GPC5: variants seen among roughly 807,000 people sequenced by gnomAD.
GPC5 encodes glypican-5.
A neutral mutation model predicts 53.9 loss-of-function variants in GPC5; 47 were observed. That is an observed-to-expected ratio of 0.87 (90% CI 0.69 to 1.11). The LOEUF (loss-of-function observed/expected upper bound fraction) is 1.11, where lower values mean the gene tolerates loss of function less well. Ranked by LOEUF, GPC5 falls within the 50% of genes most tolerant of loss-of-function variation. The probability of loss-of-function intolerance (pLI) is 0.00; values close to 1 mark genes in which losing one functional copy is unlikely to be tolerated. For missense variants in GPC5, 748 were observed against 713.1 expected, an observed-to-expected ratio of 1.05 and a Z score of -0.56; for synonymous variants, 286 against 263.3, an observed-to-expected ratio of 1.09 and a Z score of -0.84.
chr13:92,743,261 T>G (rs1374517070), intron 7 of GPC5, among the ~76,000 whole-genome samples: 1 of 152,172 alleles, frequency 6.6e-6, no homozygotes, highest in East Asian at 1.9e-4. Flanking sequence ...TTTATTTCAT[T>G]GAGCAGTGGT....
intron 7 of GPC5, among the ~76,000 whole-genome samples, chr13:92,558,087 A>C (rs544369169): frequency 2.0e-5 from 3 of 152,128 alleles, no homozygotes; most frequent in Non-Finnish European, 4.4e-5. Flanking sequence ...AAAACAGGTA[A>C]CTGGAAAATC....
chr13:91,498,806 CA>C (rs751607922), intron 2 of GPC5, among the ~76,000 whole-genome samples: 1 of 151,354 alleles, frequency 6.6e-6, no homozygotes, highest in Non-Finnish European at 1.5e-5. Flanking sequence ...CCCGTCTCTA[CA>C]AAAAAATACA....
chr13:92,012,008 G>A (rs2040666045), intron 6 of GPC5, among the ~76,000 whole-genome samples: 1 of 152,144 alleles, frequency 6.6e-6, no homozygotes, highest in African/African-American at 2.4e-5. Context: ...GATTCTATGA[G>A]GATAGCTGTG....
intron 7 of GPC5, among the ~76,000 whole-genome samples, chr13:92,499,781 T>G (rs1880114506): frequency 6.6e-6 from 1 of 152,188 alleles, no homozygotes; most frequent in Non-Finnish European, 1.5e-5. Context: ...GTGAATCTTC[T>G]TGTTACATAC....
At chr13:91,418,689 A>G (rs1878399767) in intron 1 of GPC5, among the ~76,000 whole-genome samples, 1 of 152,142 alleles carries the variant, frequency 6.6e-6, no homozygotes, top group Admixed American at 6.5e-5. Context: ...AGCAGTAGAA[A>G]GCCCTGGAAG....
chr13:92,308,938 C>T (rs969529963), intron 7 of GPC5, among the ~76,000 whole-genome samples: 8 of 152,040 alleles, frequency 5.3e-5, no homozygotes, highest in Non-Finnish European at 4.4e-5. Context: ...TTTAAAGGTA[C>T]AGTCATTATG....
intron 7 of GPC5, among the ~76,000 whole-genome samples, chr13:92,293,282 T>A (rs1352019185): frequency 1.3e-5 from 2 of 152,148 alleles, no homozygotes; most frequent in Non-Finnish European, 2.9e-5. Context: ...CAATATTGAC[T>A]CTACCCATCC....
intron 5 of GPC5, among the ~76,000 whole-genome samples, chr13:91,776,124 G>A (rs569472022): frequency 1.3e-5 from 2 of 152,264 alleles, no homozygotes; most frequent in African/African-American, 4.8e-5. Flanking sequence ...ACAGCACCTG[G>A]AAGATCATCA....
intron 6 of GPC5, among the ~76,000 whole-genome samples, chr13:92,134,648 A>C (rs76238362): frequency 4.0e-4 from 61 of 152,250 alleles, no homozygotes; most frequent in African/African-American, 1.4e-3. Flanking sequence ...CAGTCATAGA[A>C]ATTCACTTGT....
intron 2 of GPC5, among the ~76,000 whole-genome samples, chr13:91,496,901 C>T (rs756018684): frequency 8.6e-5 from 13 of 152,020 alleles, no homozygotes; most frequent in Non-Finnish European, 1.6e-4. Context: ...AATATATGCA[C>T]CTAATATGTA....
intron 4 of GPC5, among the ~76,000 whole-genome samples, chr13:91,729,138 A>AAAG (rs1182255706): frequency 6.6e-6 from 1 of 152,232 alleles, no homozygotes; most frequent in Non-Finnish European, 1.5e-5. Context: ...TATATTTTAA[A>AAAG]AAGTTGAATA....
At chr13:91,857,084 T>A (rs2038975210) in intron 5 of GPC5, among the ~76,000 whole-genome samples, 1 of 151,444 alleles carries the variant, frequency 6.6e-6, no homozygotes, top group Admixed American at 6.6e-5. Flanking sequence ...ATATTTCTAT[T>A]CTTTTCTATT....
At chr13:92,702,688 C>T (rs1887790783) in intron 7 of GPC5, among the ~76,000 whole-genome samples, 1 of 152,094 alleles carries the variant, frequency 6.6e-6, no homozygotes, top group South Asian at 2.1e-4. Context: ...TACTTCGGTC[C>T]ATCATCGCCT....
chr13:91,611,950 C>G (rs1481389734), intron 2 of GPC5, among the ~76,000 whole-genome samples: 1 of 152,160 alleles, frequency 6.6e-6, no homozygotes, highest in Non-Finnish European at 1.5e-5. Context: ...CCCACCTGAC[C>G]TCTTCTTCCG....
At chr13:92,823,137 A>G (rs1877728948) in intron 7 of GPC5, among the ~76,000 whole-genome samples, 1 of 152,148 alleles carries the variant, frequency 6.6e-6, no homozygotes, top group South Asian at 2.1e-4. Flanking sequence ...CTGTCATTTC[A>G]AAAATATTGC....
intron 6 of GPC5, among the ~76,000 whole-genome samples, chr13:92,003,345 GA>G (rs920251524): frequency 4.9e-5 from 6 of 123,346 alleles, no homozygotes; most frequent in Admixed American, 8.2e-5. Context: ...AAAAAAAAAA[GA>G]AAAGAAATGT....
chr13:91,426,373 C>T (rs1171418377), intron 1 of GPC5, among the ~76,000 whole-genome samples: 1 of 152,110 alleles, frequency 6.6e-6, no homozygotes, highest in East Asian at 1.9e-4. Context: ...CCAGCCATGG[C>T]ATATTAGGGT....
intron 7 of GPC5, among the ~76,000 whole-genome samples, chr13:92,727,983 T>A (rs1888689744): frequency 6.6e-6 from 1 of 151,518 alleles, no homozygotes; most frequent in African/African-American, 2.4e-5. Context: ...AATCTCTCCA[T>A]GTTTTTGTTT....
intron 2 of GPC5, among the ~76,000 whole-genome samples, chr13:91,538,813 ACCTCATGGTCCACC>A (rs2138724199): frequency 6.7e-6 from 1 of 149,962 alleles, no homozygotes; most frequent in East Asian, 1.9e-4. Context: ...CGATCTCCTG[ACCTCATGGTCCACC>A]CCGCCCCCCC....
Sources: allele counts gnomAD v4.1 joint callset (sites outside exome capture counted in the v4.1 genomes callset), GRCh38; gene constraint gnomAD v4.1.1; transcripts MANE v1.5; gene names NCBI Gene and HGNC (gene_info 2026-07-23, HGNC 2026-07-21).